FCSK: variants seen among roughly 807,000 people sequenced by gnomAD.
FCSK encodes L-fucose kinase.
A neutral mutation model predicts 122.5 loss-of-function variants in FCSK; 123 were observed. That is an observed-to-expected ratio of 1.00 (90% CI 0.87 to 1.17). The LOEUF (loss-of-function observed/expected upper bound fraction) is 1.17, where lower values mean the gene tolerates loss of function less well. Ranked by LOEUF, FCSK falls within the 50% of genes most tolerant of loss-of-function variation. The pLI is 0.00. For missense variants in FCSK, 1,366 were observed against 1,450.4 expected (o/e 0.94, Z 0.95); for synonymous variants, 620 against 625.5 (o/e 0.99, Z 0.13).
rs1201309181 is a variant in FCSK at position 70,455,562 on chromosome 16, CTT to C, written c.-23+933_-23+934del. ...CTTAGGGCACACTTTCTCAGGACCTCTTGAGATTGTGTAACTCCAGCAAACTA... is the reference window on the plus strand; with the variant it reads ...CTTAGGGCACACTTTCTCAGGACCTCGAGATTGTGTAACTCCAGCAAACTA... On this transcript the variant is annotated intron_variant, in intron 1 of 23. Coordinates refer to ENST00000288078, the MANE Select transcript of FCSK (RefSeq NM_145059.3). Among the ~76,000 whole-genome samples the C allele has an allele frequency of 6.0e-5, 9 of 150,650 alleles. No individual in the cohort carries two copies. In the East Asian group the frequency reaches 1.8e-3, roughly 30 times the overall value.
intron 1 of FCSK, among the ~76,000 whole-genome samples, chr16:70,458,427 T>G (rs2048161836): frequency 6.6e-6 from 1 of 151,904 alleles, no homozygotes; most frequent in Non-Finnish European, 1.5e-5. Flanking sequence ...CCCAAAGTGC[T>G]GAGATTATAG....
intron 4 of FCSK, among the ~76,000 whole-genome samples, chr16:70,465,462 C>T (rs1047097090): frequency 2.6e-5 from 4 of 151,470 alleles, no homozygotes; most frequent in African/African-American, 9.7e-5. Flanking sequence ...AGATCGAGAC[C>T]AGCCTGGGCA....
At chr16:70,470,522 G>A (rs528443483) in intron 11 of FCSK, 96 bp downstream of exon 11, 29 of 768,548 alleles carry the variant, frequency 3.8e-5, no homozygotes, top group Non-Finnish European at 5.8e-5. Flanking sequence ...TGGAACAGAT[G>A]ACCCGAGTGC....
At chr16:70,471,614 C>G (rs1222989341) in intron 13 of FCSK, among the ~76,000 whole-genome samples, 1 of 151,794 alleles carries the variant, frequency 6.6e-6, no homozygotes, top group Non-Finnish European at 1.5e-5. Context: ...TGTTTTTTTT[C>G]TGGAGATAGA....
intron 23 of FCSK, 42 bp downstream of exon 23, chr16:70,479,445 AAGAGACCTCACTGTGGC>A: frequency 6.4e-7 from 1 of 1,560,894 alleles, no homozygotes; most frequent in South Asian, 1.1e-5. Context: ...CTCTGGGGGC[AAGAGACCTCACTGTGGC>A]CCACCAGTTA....
Position 70,468,873 on chromosome 16 carries a change from G to C in FCSK, c.688G>C (p.Val230Leu). 1 of 1,614,070 alleles carries C rather than the reference G, an allele frequency of 6.2e-7. No individual in the cohort carries two copies. The highest frequency in any genetic ancestry group is 1.3e-5 in the African/African-American group (1 of 75,032). Residue 230 changes from valine to leucine, a missense_variant, in exon 9 of 24, where the codon GTG (valine) becomes CTG (leucine). By Grantham distance (32) the Val-to-Leu change is conservative. Transcript: ENST00000288078. ...PLVSGVVFFSVETAERLLATH... is the reference protein window; with the variant it reads ...PLVSGVVFFSLETAERLLATH... ...GGTCTCTGGGGTTGTCTTCTTCTCT[G>C]TGGAGACTGCCGAGCGCCTCCTAGC...
Position 70,474,820 on chromosome 16 carries a change from A to G in FCSK, c.2186A>G (p.Tyr729Cys), listed in dbSNP as rs1223202082. Residue 729 changes from tyrosine to cysteine, a missense_variant, in exon 18 of 24, where the codon TAT becomes TGT. Physicochemically the swap from Tyr to Cys is radical, Grantham distance 194 (BLOSUM62 -2). Coordinates refer to ENST00000288078, the MANE Select transcript of FCSK (RefSeq NM_145059.3). ...GGWSDTPPLAYELGGAVLGLA... is the reference protein window; with the variant it reads ...GGWSDTPPLACELGGAVLGLA... ...TGGAGTGACACGCCACCCCTTGCCT[A>G]TGAGCTTGGCGGGGCTGTGCTGGGC... The G allele has an allele frequency of 5.7e-6, 9 of 1,589,610 alleles. No homozygotes were observed. Among genetic ancestry groups the G allele is most frequent in the Middle Eastern group, 1.7e-4 (1 of 5,962 alleles).
chr16:70,464,405 A>G (rs1463129343), intron 3 of FCSK, among the ~76,000 whole-genome samples: 2 of 152,132 alleles, frequency 1.3e-5, no homozygotes, highest in African/African-American at 2.4e-5. Context: ...TAATCCCAGC[A>G]CTTTGGGAGG....
At chr16:70,463,363 C>T in intron 2 of FCSK, 91 bp downstream of exon 2, 3 of 1,173,066 alleles carry the variant, frequency 2.6e-6, no homozygotes, top group Non-Finnish European at 3.7e-6. Flanking sequence ...CCAGGCCAAC[C>T]TGGGTTCAAA....
intron 6 of FCSK, 42 bp from the exon 7 acceptor site, chr16:70,467,332 G>C (rs771687489): frequency 9.1e-6 from 13 of 1,426,832 alleles, no homozygotes; most frequent in Non-Finnish European, 1.3e-5. Context: ...CCGTGCCTTG[G>C]GTGGAGGCCC....
chr16:70,467,201 T>A (rs974096709), intron 6 of FCSK, 173 bp from the exon 7 acceptor site: 4 of 625,934 alleles, frequency 6.4e-6, no homozygotes, highest in Non-Finnish European at 1.1e-5. Flanking sequence ...GGAAGAACTT[T>A]GGGAGAGGAG....
In FCSK at chr16:70,473,373, G is replaced by T; in HGVS notation, c.1777+20G>T. On this transcript the variant is annotated intron_variant, in intron 15 of 23. Coordinates refer to ENST00000288078, the MANE Select transcript of FCSK (RefSeq NM_145059.3). This position sits in a 1 kb window ranked among gnomAD's most constrained non-coding sequence, Gnocchi z 4.9. ...ACCAGGGTGAGTGTGCAGGCTGGTA[G>T]TGCTGCAGAATCAGGCCAGGGGCAC... 1 of 1,473,288 alleles carries T rather than the reference G, an allele frequency of 6.8e-7. No homozygotes were observed. The highest frequency in any genetic ancestry group is 9.0e-7 in the Non-Finnish European group (1 of 1,106,920). The allele number at this position is 1,473,288 out of a possible 1,614,324, so 91.3% of individuals were successfully genotyped here. A position where few individuals can be genotyped will look rare whatever the true frequency, so the allele number is the denominator to read the frequency against.
chr16:70,455,700 T>G (rs946220926), intron 1 of FCSK, among the ~76,000 whole-genome samples: 3 of 151,826 alleles, frequency 2.0e-5, no homozygotes, highest in African/African-American at 7.3e-5. Flanking sequence ...GAGACCAGCG[T>G]GGCCAACATG....
In FCSK at chr16:70,478,593, C is replaced by T. The variant is rs557189476; in HGVS notation, c.2872C>T (p.Gln958Ter). The T allele has an allele frequency of 6.2e-6, 10 of 1,613,768 alleles. No individual in the cohort carries two copies. The East Asian group carries it at 2.2e-4, about 36-fold the overall frequency. Residue 958 changes from glutamine to a stop codon, truncating the protein, a stop_gained, in exon 22 of 24, where the codon CAG becomes TAG. Coordinates refer to ENST00000288078, the MANE Select transcript of FCSK (RefSeq NM_145059.3). LOFTEE classifies it high-confidence loss of function. ...GTATGCCCGACTTCCTGCTGTGGTG[C>T]AGAATGCCCACAGCCTGGTACGGCA... Reference protein sequence around the residue: ...SWYARLPAVVQNAHSLVRQTE... With the variant: ...SWYARLPAVV
In FCSK at chr16:70,463,720, C is replaced by A. The variant is rs774825950; in HGVS notation, c.180C>A (p.Thr60=). The A allele has an allele frequency of 2.5e-6, 4 of 1,612,632 alleles. No individual in the cohort carries two copies. The African/African-American group carries it at 5.3e-5, about 22-fold the overall frequency. ...PEKRVGSGGA[T]LNALLVAAEH... The stretch of plus-strand genomic sequence containing the variant: ...AGCGTGTGGGCAGCGGAGGAGCCAC[C>A]CTCAACGCCCTGCTGGTGGCTGCTG... The change falls in exon 3 of 24, where the codon ACC becomes ACA. Residue 60 remains threonine (T), a synonymous_variant. Coordinates refer to ENST00000288078, the MANE Select transcript of FCSK (RefSeq NM_145059.3).
chr16:70,468,302 C>G (rs2048489743), intron 8 of FCSK, among the ~76,000 whole-genome samples: 1 of 152,180 alleles, frequency 6.6e-6, no homozygotes, highest in Non-Finnish European at 1.5e-5. Context: ...TGCCTGTAAT[C>G]CCAACTACTT....
chr16:70,463,518 C>A, intron 2 of FCSK, 105 bp from the exon 3 acceptor site: 2 of 1,454,906 alleles, frequency 1.4e-6, no homozygotes, highest in Non-Finnish European at 1.9e-6. Context: ...ACATGGAAAG[C>A]TAAGTCAAGG....
intron 1 of FCSK, among the ~76,000 whole-genome samples, chr16:70,455,352 G>A (rs895017090): frequency 6.6e-6 from 1 of 152,216 alleles, no homozygotes; most frequent in Non-Finnish European, 1.5e-5. Context: ...GGGCGCCAAG[G>A]CTCATGCCTG....
Position 70,471,313 on chromosome 16 carries a change from C to T in FCSK, c.1302C>T (p.Gly434=). The change falls in exon 13 of 24, where the codon GGC becomes GGT. Residue 434 remains glycine (G), a synonymous_variant. Coordinates refer to ENST00000288078, the MANE Select transcript of FCSK (RefSeq NM_145059.3). ...ACACGCGGCTACACGGCTCCCCGGGCCACGCCTTCACCCTCGTTGGCCGTC... is the reference window on the plus strand; with the variant it reads ...ACACGCGGCTACACGGCTCCCCGGGTCACGCCTTCACCCTCGTTGGCCGTC... ...GHHTRLHGSP[G]HAFTLVGRLD... 1 of 1,600,482 alleles carries T rather than the reference C, an allele frequency of 6.2e-7. No individual in the cohort carries two copies. Among genetic ancestry groups the T allele is most frequent in the African/African-American group, 1.3e-5 (1 of 74,918 alleles).
Sources: gnomAD v4.1 joint callset for allele counts (sites outside exome capture counted in the v4.1 genomes callset) on GRCh38, gnomAD v4.1.1 for gene constraint, Gnocchi (gnomAD v3.1) non-coding constraint, MANE v1.5 for transcripts, NCBI Gene and HGNC (gene_info 2026-07-23, HGNC 2026-07-21) for gene names.